The following GCFC2 variants were observed in gnomAD, a reference collection of about 807,000 sequenced individuals.
GCFC2 encodes intron Large complex component GCFC2.
In GCFC2, 102 loss-of-function variants were observed where a neutral mutation model predicts 99.4. The observed-to-expected ratio is 1.03, with a 90% CI of 0.87 to 1.21. The LOEUF (loss-of-function observed/expected upper bound fraction) is 1.21, where lower values mean the gene tolerates loss of function less well. Ranked by LOEUF, GCFC2 falls within the 50% of genes most tolerant of loss-of-function variation. GCFC2 has a pLI of 0.00. For missense variants in GCFC2, 973 were observed against 920.9 expected, an observed-to-expected ratio of 1.06 and a Z score of -0.73; for synonymous variants, 338 against 316.8, an observed-to-expected ratio of 1.07 and a Z score of -0.71.
rs757518379 is a variant in GCFC2, at chr2:75,706,531, G to T, written c.386C>A (p.Ser129Ter). Residue 129 changes from serine (S) to a stop codon, truncating the protein, a stop_gained, in exon 2 of 17, where the codon TCA becomes TAA. Transcript: ENST00000321027. LOFTEE classifies it high-confidence loss of function. ...SSSSLGEKEL[S>*]STVKIPDAAF... ...TCATACAAATTACTAACCTGTTGAT[G>T]AAAGTTCTTTTTCTCCAAGAGAGCT... 1.3e-6 allele frequency: 2 copies of T among 1,588,450 alleles called. No homozygotes were observed. The highest frequency in any genetic ancestry group is 1.7e-6 in the Non-Finnish European group (2 of 1,163,864).
Position 75,673,502 on chromosome 2 carries a change from C to A in GCFC2, c.1831G>T (p.Val611Phe), listed in dbSNP as rs1455800919. The A allele has an allele frequency of 5.2e-6, 7 of 1,342,976 alleles. No homozygotes were observed. Among genetic ancestry groups the A allele is most frequent in the Non-Finnish European group, 7.5e-6 (7 of 933,202 alleles). 83.2% of individuals were successfully genotyped at this position (1,342,976 alleles called of 1,614,324 possible). ...KSRQDLLKSI[V>F]SRMKKAVEDD... ...TCTACTGCCTTTTTCATTCTTGAAA[C>A]AATGGATTTAAGTAAATCCTATTAT... Residue 611 changes from valine to phenylalanine, a missense_variant, in exon 13 of 17, where the codon GTT (valine) becomes TTT (phenylalanine). Coordinates refer to ENST00000321027, the MANE Select transcript of GCFC2 (RefSeq NM_003203.5).
At chr2:75,708,769 A>G (rs1680983530) in intron 1 of GCFC2, among the ~76,000 whole-genome samples, 1 of 152,002 alleles carries the variant, frequency 6.6e-6, no homozygotes, top group Non-Finnish European at 1.5e-5. Context: ...TCGGCCTCCT[A>G]AAGTGCTGGG....
intron 11 of GCFC2, 46 bp downstream of exon 11, chr2:75,687,781 C>G: frequency 1.4e-6 from 2 of 1,451,428 alleles, no homozygotes; most frequent in Middle Eastern, 1.8e-4. Context: ...ACCTTATATA[C>G]TCTGTCAGAA....
intron 11 of GCFC2, among the ~76,000 whole-genome samples, chr2:75,682,518 C>A (rs1484810217): frequency 6.6e-6 from 1 of 151,706 alleles, no homozygotes; most frequent in Non-Finnish European, 1.5e-5. Context: ...CTGAAAATTC[C>A]AAAAACCAGA....
intron 12 of GCFC2, chr2:75,679,651 T>C (rs961311857): frequency 1.5e-5 from 6 of 396,536 alleles, no homozygotes; most frequent in Non-Finnish European, 2.2e-5. Flanking sequence ...TTTGAAACCA[T>C]TGTTCAAGCA....
Position 75,710,867 on chromosome 2 carries a change from G to A in GCFC2, c.-12C>T, listed in dbSNP as rs1408696316. On this transcript the variant is annotated 5_prime_UTR_variant, in exon 1 of 17. Transcript: ENST00000321027. Reference sequence around the variant, plus strand: ...GGCCTGTGAGCCATGGCCGAGGCCCGAGCGCCCGGCGCCCTAGAACCCGCT... The same window carrying A: ...GGCCTGTGAGCCATGGCCGAGGCCCAAGCGCCCGGCGCCCTAGAACCCGCT... The A allele has an allele frequency of 1.3e-6, 2 of 1,539,476 alleles. No homozygotes were observed. The highest frequency in any genetic ancestry group is 2.6e-5 in the East Asian group (1 of 38,600).
At chr2:75,705,501 T>C (rs114255554) in intron 2 of GCFC2, among the ~76,000 whole-genome samples, 28,871 of 149,152 alleles carry the variant, frequency 0.19, 3,453 homozygotes, top group South Asian at 0.26. Context: ...CCTATAGTCC[T>C]AGCTACTCAA....
intron 4 of GCFC2, among the ~76,000 whole-genome samples, chr2:75,700,800 G>A (rs1026486244): frequency 6.6e-6 from 1 of 152,146 alleles, no homozygotes; most frequent in African/African-American, 2.4e-5. Flanking sequence ...ACCTTATTTG[G>A]AAAAAGAGTC....
chr2:75,704,903 T>G (rs1027663629), intron 2 of GCFC2, among the ~76,000 whole-genome samples: 3 of 152,218 alleles, frequency 2.0e-5, no homozygotes, highest in South Asian at 2.1e-4. Flanking sequence ...CTCAAACTCC[T>G]GACCTCAGGT....
At chr2:75,698,421 TAA>T (rs1193435101) in intron 4 of GCFC2, among the ~76,000 whole-genome samples, 4 of 152,138 alleles carry the variant, frequency 2.6e-5, no homozygotes, top group African/African-American at 9.7e-5. Flanking sequence ...GCAAATAACC[TAA>T]AATGTCCAAA....
At chr2:75,677,393 T>G (rs939751464) in intron 12 of GCFC2, among the ~76,000 whole-genome samples, 2 of 152,172 alleles carry the variant, frequency 1.3e-5, no homozygotes, top group African/African-American at 4.8e-5. Flanking sequence ...ACATGGGGCA[T>G]TATATAGTGT....
intron 11 of GCFC2, 66 bp downstream of exon 11, chr2:75,687,761 G>T: frequency 8.0e-7 from 1 of 1,250,002 alleles, no homozygotes; most frequent in South Asian, 1.3e-5. Context: ...GAATATAACA[G>T]AAATTAACAA....
At chr2:75,684,819 A>G (rs189902173) in intron 11 of GCFC2, among the ~76,000 whole-genome samples, 9 of 152,344 alleles carry the variant, frequency 5.9e-5, no homozygotes, top group African/African-American at 9.6e-5. Flanking sequence ...ATGCCCATCA[A>G]TGATAGACTG....
intron 15 of GCFC2, among the ~76,000 whole-genome samples, chr2:75,669,678 A>ACTC (rs1284266776): frequency 1.3e-5 from 2 of 151,862 alleles, no homozygotes; most frequent in Non-Finnish European, 2.9e-5. Flanking sequence ...AAACCAGTAT[A>ACTC]CTCTTTCTTA....
intron 7 of GCFC2, 81 bp downstream of exon 7, chr2:75,691,896 T>G (rs1680085938): frequency 2.7e-6 from 2 of 749,892 alleles, no homozygotes; most frequent in African/African-American, 3.6e-5. Context: ...AAAACATGTT[T>G]ATAAAAATAA....
At chr2:75,707,104 G>T (rs554750914) in intron 1 of GCFC2, among the ~76,000 whole-genome samples, 5 of 152,144 alleles carry the variant, frequency 3.3e-5, no homozygotes, top group Admixed American at 1.3e-4. Context: ...GGATTGAGAG[G>T]ATAAAGAACA....
intron 1 of GCFC2, among the ~76,000 whole-genome samples, chr2:75,707,453 C>A (rs961528056): frequency 6.6e-6 from 1 of 152,070 alleles, no homozygotes; most frequent in Non-Finnish European, 1.5e-5. Flanking sequence ...TTATGAGTAA[C>A]CTTAAAACAT....
chr2:75,708,295 T>C (rs1384986831), intron 1 of GCFC2, among the ~76,000 whole-genome samples: 2 of 152,092 alleles, frequency 1.3e-5, no homozygotes, highest in African/African-American at 4.8e-5. Context: ...GATTAATCAG[T>C]GGTAATACTA....
At chr2:75,711,718 G>T (rs547662350), upstream of GCFC2, among the ~76,000 whole-genome samples, 250 of 152,348 alleles carry the variant, frequency 1.6e-3, 1 homozygote, top group African/African-American at 6.0e-3. Context: ...TGGCACCCGG[G>T]CCAGCGGCTA....
Sources: gnomAD v4.1 joint callset for allele counts (sites outside exome capture counted in the v4.1 genomes callset) on GRCh38, gnomAD v4.1.1 for gene constraint, MANE v1.5 for transcripts, NCBI Gene and HGNC (gene_info 2026-07-23, HGNC 2026-07-21) for gene names.